Variants in DIMT1 observed in about 807,000 individuals in gnomAD.
DIMT1 encodes DIM1 rRNA methyltransferase and ribosome maturation factor, also known as dimethyladenosine transferase.
Under a neutral mutation model 43.2 loss-of-function variants are expected in DIMT1, and 36 were observed. That is an observed-to-expected ratio of 0.83 (90% confidence interval 0.64 to 1.10). The LOEUF (loss-of-function observed/expected upper bound fraction) is 1.10, where lower values mean the gene tolerates loss of function less well. DIMT1 is among the 50% of genes least tolerant of loss of function. The pLI is 0.00. For missense variants in DIMT1, 341 were observed against 385.3 expected (o/e 0.88, Z 0.96); for synonymous variants, 126 against 130.3 (o/e 0.97, Z 0.22).
chr5:62,396,935 G>A (rs1742517517), intron 6 of DIMT1, among the ~76,000 whole-genome samples: 1 of 152,100 alleles, frequency 6.6e-6, no homozygotes, highest in Non-Finnish European at 1.5e-5. Flanking sequence ...ATTCTTTGAA[G>A]AAATGTTTCA....
chr5:62,396,183 T>G (rs1742486430), intron 6 of DIMT1, among the ~76,000 whole-genome samples: 1 of 134,952 alleles, frequency 7.4e-6, no homozygotes, highest in Admixed American at 8.0e-5. Context: ...AGAGTGCCCT[T>G]TCAAGATTTT....
At position 62,388,844 on chromosome 5, in the gene DIMT1, C is replaced by T. The variant is rs1742159210; in HGVS notation, c.*166G>A. On this transcript the variant is annotated 3_prime_UTR_variant, in exon 12 of 12. Coordinates refer to ENST00000199320, the MANE Select transcript of DIMT1 (RefSeq NM_014473.4). ...AAAAACTTTGATACTTAGAACTTTC[C>T]AACTTTAAAATTCAGAATCATAAAT... is the stretch of plus-strand genomic sequence containing the variant. The T allele has an allele frequency of 1.5e-6, 1 of 658,254 alleles. No individual in the cohort carries two copies. The highest frequency in any genetic ancestry group is 2.6e-6 in the Non-Finnish European group (1 of 378,054). The allele number at this position is 658,254 out of a possible 1,614,324, so 40.8% of individuals were successfully genotyped here.
chr5:62,398,958 T>C (rs1742601420), intron 3 of DIMT1, 77 bp from the exon 4 acceptor site: 1 of 1,114,016 alleles, frequency 9.0e-7, no homozygotes. Flanking sequence ...ACAGGAACTC[T>C]TACATGATTT....
In DIMT1 at chr5:62,391,969, G is replaced by T. The variant is rs1340926214; in HGVS notation, c.792+202C>A. On this transcript the variant is annotated intron_variant, in intron 10 of 11. Transcript: ENST00000199320. ...AGGACAGGGTGGAGTAATCAAAGTT[G>T]CTCATATCTGTTTCACAGGATACAC... is the stretch of plus-strand genomic sequence containing the variant. 3.9e-6 allele frequency: 6 copies of T among 1,538,452 alleles called. No individual in the cohort carries two copies. In the South Asian group the frequency reaches 5.9e-5, roughly 15 times the overall value.
rs1742100736 is a variant in DIMT1 at position 62,387,675 on chromosome 5, TA to T, written c.*1334del. 1 of 152,178 alleles carries T rather than the reference TA, an allele frequency of 6.6e-6. No individual in the cohort carries two copies. Among genetic ancestry groups the T allele is most frequent in the South Asian group, 2.1e-4 (1 of 4,832 alleles). 9.4% of individuals were successfully genotyped at this position (152,178 alleles called of 1,614,324 possible). A position where few individuals can be genotyped will look rare whatever the true frequency, so the allele number is the denominator to read the frequency against. The stretch of plus-strand genomic sequence containing the variant: ...AACCTGAGAAAGCCGAGTTAAATCT[TA>T]AAATTTTTACTATAAGGATAGAGAT... On this transcript the variant is annotated 3_prime_UTR_variant, in exon 12 of 12. Transcript: ENST00000199320.
chr5:62,392,001 A>C, intron 10 of DIMT1, 170 bp downstream of exon 10: 3 of 1,544,188 alleles, frequency 1.9e-6, no homozygotes, highest in Non-Finnish European at 2.6e-6. Context: ...ACACAGCAGC[A>C]CTGACCTGTC....
At chr5:62,393,145 TGC>T (rs922500298) in intron 8 of DIMT1, among the ~76,000 whole-genome samples, 155 bp from the exon 9 acceptor site, 1 of 152,204 alleles carries the variant, frequency 6.6e-6, no homozygotes, top group African/African-American at 2.4e-5. Flanking sequence ...GGCACACACA[TGC>T]AAAAGTAAGA....
Position 62,403,294 on chromosome 5 carries a change from AAT to A in DIMT1, c.130_131del (p.Ile44TyrfsTer2). 1 of 1,613,874 alleles carries A rather than the reference AAT, an allele frequency of 6.2e-7. No homozygotes were observed. Among genetic ancestry groups the A allele is most frequent in the Non-Finnish European group, 8.5e-7 (1 of 1,179,812 alleles). On this transcript the variant is annotated frameshift_variant, in exon 2 of 12. Coordinates refer to ENST00000199320, the MANE Select transcript of DIMT1 (RefSeq NM_014473.4). LOFTEE classifies it high-confidence loss of function. ...CCACCTTATCGATAATGCTGTTAAT[AAT>A]GAGAGGATTTTTCAAAATGTGCTGC... ...IGQHILKNPL[I>X]INSIIDKAAL...
chr5:62,393,928 T>C (rs766571238), intron 8 of DIMT1, 27 bp downstream of exon 8: 2 of 1,581,614 alleles, frequency 1.3e-6, no homozygotes, highest in South Asian at 1.2e-5. Context: ...TTTTCCTTTA[T>C]TGAATGAGCT....
At chr5:62,403,410 G>A in intron 1 of DIMT1, 64 bp from the exon 2 acceptor site, 6 of 1,481,846 alleles carry the variant, frequency 4.0e-6, no homozygotes, top group Non-Finnish European at 5.7e-6. Context: ...CAGTACCAGA[G>A]AAGAAAGCTG....
intron 1 of DIMT1, 77 bp downstream of exon 1, chr5:62,403,617 C>T: frequency 6.6e-7 from 1 of 1,508,362 alleles, no homozygotes. Context: ...CCGATCAGGT[C>T]TTGGTCCGCA....
intron 2 of DIMT1, 33 bp from the exon 3 acceptor site, chr5:62,402,155 G>T: frequency 6.2e-7 from 1 of 1,605,290 alleles, no homozygotes; most frequent in South Asian, 1.1e-5. Flanking sequence ...TAGCTCTTCT[G>T]GCAACATCAG....
chr5:62,396,216 A>G (rs944361660), intron 6 of DIMT1, among the ~76,000 whole-genome samples: 6 of 145,018 alleles, frequency 4.1e-5, no homozygotes, highest in African/African-American at 1.5e-4. Flanking sequence ...AACGAAAATA[A>G]ATCAGAAGGG....
At chr5:62,392,503 A>C (rs977842450) in intron 9 of DIMT1, among the ~76,000 whole-genome samples, 6 of 141,238 alleles carry the variant, frequency 4.2e-5, no homozygotes, top group Admixed American at 1.4e-4. Context: ...TCCACAAAAA[A>C]TCCCCTAAAA....
intron 3 of DIMT1, among the ~76,000 whole-genome samples, chr5:62,399,100 G>A (rs1192300640): frequency 6.6e-6 from 1 of 152,106 alleles, no homozygotes; most frequent in Non-Finnish European, 1.5e-5. Flanking sequence ...GGAAGGCTGG[G>A]GTGGGCGAAT....
At position 62,394,546 on chromosome 5, in the gene DIMT1, T is replaced by C. The variant is rs750819640; in HGVS notation, c.508A>G (p.Lys170Glu). The change falls in exon 7 of 12, where the codon AAG becomes GAG. Residue 170 changes from lysine (K) to glutamate (E), a missense_variant. Transcript: ENST00000199320. ...ALRLVAKPGD[K>E]LYCRLSINTQ... ...TTAATTGAGAGTCTGCAGTATAACT[T>C]ATCTCCAGGTTTTGCAACCAGTCGG... The C allele has an allele frequency of 4.3e-6, 7 of 1,614,096 alleles. No homozygotes were observed. The highest frequency in any genetic ancestry group is 3.3e-5 in the Admixed American group (2 of 60,006).
At chr5:62,403,605 T>G in intron 1 of DIMT1, 89 bp downstream of exon 1, 5 of 1,456,584 alleles carry the variant, frequency 3.4e-6, no homozygotes, top group Non-Finnish European at 4.7e-6. Flanking sequence ...GACCGGCCTC[T>G]GCCGATCAGG....
Position 62,388,304 on chromosome 5 carries a change from G to T in DIMT1, c.*706C>A, listed in dbSNP as rs1490091085. 1 of 152,118 alleles carries T rather than the reference G, an allele frequency of 6.6e-6. No homozygotes were observed. The highest frequency in any genetic ancestry group is 1.9e-4 in the East Asian group (1 of 5,192). 9.4% of individuals were successfully genotyped at this position (152,118 alleles called of 1,614,324 possible). Reference sequence around the variant, plus strand: ...TATCTCCCTAAGAACCATAAAAAAAGATAATTTTATTGTTAATTTCATTCC... The same window carrying T: ...TATCTCCCTAAGAACCATAAAAAAATATAATTTTATTGTTAATTTCATTCC... On this transcript the variant is annotated 3_prime_UTR_variant, in exon 12 of 12. Transcript: ENST00000199320.
At chr5:62,395,063 C>T (rs1352664142) in intron 6 of DIMT1, among the ~76,000 whole-genome samples, 4 of 147,048 alleles carry the variant, frequency 2.7e-5, no homozygotes, top group Non-Finnish European at 6.0e-5. Context: ...TCGCTCTTGT[C>T]GCCCAGGCTG....
Sources: gnomAD v4.1 joint callset for allele counts (sites outside exome capture counted in the v4.1 genomes callset) on GRCh38, gnomAD v4.1.1 for gene constraint, MANE v1.5 for transcripts, NCBI Gene and HGNC (gene_info 2026-07-23, HGNC 2026-07-21) for gene names.